The following UPK3A variants were observed in gnomAD, a reference collection of about 807,000 sequenced individuals.
The protein encoded by UPK3A is uroplakin-3a.
Under a neutral mutation model 27.6 loss-of-function variants are expected in UPK3A, and 32 were observed. The ratio of observed to expected loss-of-function variants is 1.16; its 90% CI spans 0.87 to 1.55. The LOEUF (loss-of-function observed/expected upper bound fraction) is 1.55, where lower values mean the gene tolerates loss of function less well. UPK3A is among the 40% of genes most tolerant of loss of function. The pLI, the probability that UPK3A is intolerant of heterozygous loss-of-function variation, is 0.00. For synonymous variants in UPK3A, 171 were observed against 163.9 expected (o/e 1.04, Z -0.33); for missense variants, 370 against 367.9 (o/e 1.01, Z -0.05).
In UPK3A at chr22:45,287,685, ACGGGGTCT is replaced by A. The variant is rs1044328572; in HGVS notation, c.488+236_488+243del. On this transcript the variant is annotated intron_variant, in intron 3 of 5. Transcript: ENST00000216211. ...TTTATTTATTTATTTATTTTTTGAG[ACGGGGTCT>A]CCACCATTTCCCAGGCTGGAGTACA... Among the ~76,000 whole-genome samples, 98 of 152,062 alleles carry A rather than the reference ACGGGGTCT, an allele frequency of 6.4e-4. 2 individuals carry two copies. The highest frequency in any genetic ancestry group is 1.1e-3 in the Non-Finnish European group (74 of 67,984).
chr22:45,289,329 C>G (rs2084142739), intron 4 of UPK3A, among the ~76,000 whole-genome samples, 186 bp downstream of exon 4: 1 of 152,006 alleles, frequency 6.6e-6, no homozygotes, highest in African/African-American at 2.4e-5. Context: ...GTAATCCCAG[C>G]CTTTGGGAGG....
chr22:45,287,660 T>G (rs887452587), intron 3 of UPK3A, among the ~76,000 whole-genome samples: 1 of 152,024 alleles, frequency 6.6e-6, no homozygotes, highest in African/African-American at 2.4e-5. Context: ...AATTCTGTAT[T>G]TTATTTATTT....
chr22:45,289,370 T>G (rs2084143023), intron 4 of UPK3A, among the ~76,000 whole-genome samples: 1 of 151,070 alleles, frequency 6.6e-6, no homozygotes, highest in Admixed American at 6.6e-5. Flanking sequence ...GGTCAGGAGA[T>G]CGAGACCATC....
At position 45,287,380 on chromosome 22, in the gene UPK3A, C is replaced by T. The variant is rs531623690; in HGVS notation, c.417C>T (p.Asn139=). ...LNAYLVRVGA[N]GTCLWDPNFQ... ...CCTACCTGGTCAGGGTGGGTGCCAA[C>T]GGGACCTGCCTGTGGGATCCCAACT... is the stretch of plus-strand genomic sequence containing the variant. Residue 139 remains asparagine (N), a synonymous_variant, in exon 3 of 6, where the codon AAC becomes AAT. Coordinates refer to ENST00000216211, the MANE Select transcript of UPK3A (RefSeq NM_006953.4). The T allele has an allele frequency of 2.6e-4, 416 of 1,612,872 alleles. 6 individuals carry two copies. The South Asian group carries it at 3.6e-3, about 14-fold the overall frequency.
intron 4 of UPK3A, among the ~76,000 whole-genome samples, chr22:45,291,314 G>C (rs1052659066): frequency 6.6e-6 from 1 of 150,902 alleles, no homozygotes; most frequent in African/African-American, 2.4e-5. Flanking sequence ...GTGAATGAGG[G>C]TGTGTGTGGT....
intron 5 of UPK3A, among the ~76,000 whole-genome samples, chr22:45,294,977 T>C (rs994059283): frequency 6.6e-6 from 1 of 151,268 alleles, no homozygotes; most frequent in Admixed American, 6.6e-5. Context: ...GCGATACTCC[T>C]GCCTCAGCCT....
At chr22:45,292,918 A>G (rs2084170955) in intron 4 of UPK3A, among the ~76,000 whole-genome samples, 1 of 150,590 alleles carries the variant, frequency 6.6e-6, no homozygotes, top group African/African-American at 2.5e-5. Context: ...AAAAACAATA[A>G]CGTAAAATAA....
At position 45,290,543 on chromosome 22, in the gene UPK3A, TGTGA is replaced by T. The variant is rs2084153345; in HGVS notation, c.571+1404_571+1407del. 2.6e-5 allele frequency among the ~76,000 whole-genome samples: 4 copies of T among 152,082 alleles called. No individual in the cohort carries two copies. In the South Asian group the frequency reaches 6.2e-4, roughly 24 times the overall value. On this transcript the variant is annotated intron_variant, in intron 4 of 5. Coordinates refer to ENST00000216211, the MANE Select transcript of UPK3A (RefSeq NM_006953.4). ...TGTAGTTTACGGTGTTGCGTATGTG[TGTGA>T]GTGGTGTGTGAGTGTGAGAATGTGT...
At chr22:45,293,094 A>G (rs1326732343) in intron 4 of UPK3A, 87 bp from the exon 5 acceptor site, 37 of 1,582,788 alleles carry the variant, frequency 2.3e-5, no homozygotes, top group Non-Finnish European at 3.0e-5. Flanking sequence ...CCCGGCAGCC[A>G]GGGCGGGGGA....
At position 45,285,906 on chromosome 22, in the gene UPK3A, C is replaced by T. The variant is rs562326679; in HGVS notation, c.53-35C>T. ...GCAGAGTGGGTGTGGACAGTTCTGC[C>T]GGAGGTCAGTTCCCATCCTCACTGC... is the stretch of plus-strand genomic sequence containing the variant. On this transcript the variant is annotated intron_variant, in intron 1 of 5. Transcript: ENST00000216211. 5.0e-5 allele frequency: 81 copies of T among 1,612,864 alleles called. 1 individual carries two copies. In the South Asian group the frequency reaches 7.5e-4, roughly 15 times the overall value.
At position 45,289,329 on chromosome 22, in the gene UPK3A, C is replaced by CA. The variant is rs1402818631; in HGVS notation, c.571+186_571+187insA. 3.5e-4 allele frequency among the ~76,000 whole-genome samples: 53 copies of CA among 152,122 alleles called. 1 individual carries two copies. Among genetic ancestry groups the CA allele is most frequent in the Middle Eastern group, 3.4e-3 (1 of 294 alleles). ...TGGTGGCTCACATCTGTAATCCCAG[C>CA]CTTTGGGAGGCTGAGGCAGGTGGAT... On this transcript the variant is annotated intron_variant, in intron 4 of 5. Transcript: ENST00000216211.
chr22:45,292,901 CTG>C (rs1428704517), intron 4 of UPK3A, among the ~76,000 whole-genome samples: 1 of 148,742 alleles, frequency 6.7e-6, no homozygotes, highest in Non-Finnish European at 1.5e-5. Flanking sequence ...GAGCAAGACT[CTG>C]TCTCAAAAAC....
At position 45,287,304 on chromosome 22, in the gene UPK3A, C is replaced by T. The variant is rs188696049; in HGVS notation, c.341C>T (p.Pro114Leu). 3 of 1,614,220 alleles carry T rather than the reference C, an allele frequency of 1.9e-6. No individual in the cohort carries two copies. The highest frequency in any genetic ancestry group is 3.3e-5 in the Admixed American group (2 of 60,022). ...GACCTGATCCCCTGCAGTGACCTGC[C>T]CAGCCTGGATGCCATTGGGGATGTG... ...AFDLIPCSDLPSLDAIGDVSK... is the reference protein window; with the variant it reads ...AFDLIPCSDLLSLDAIGDVSK... Residue 114 changes from proline (P) to leucine (L), a missense_variant, in exon 3 of 6, where the codon CCC becomes CTC. Transcript: ENST00000216211.
chr22:45,293,477 C>T (rs1170095566), intron 5 of UPK3A, among the ~76,000 whole-genome samples, 164 bp downstream of exon 5: 2 of 152,072 alleles, frequency 1.3e-5, no homozygotes, highest in Non-Finnish European at 2.9e-5. Flanking sequence ...GAGCAGAGTC[C>T]TGGGATTTCA....
At chr22:45,290,606 T>G (rs1478250612) in intron 4 of UPK3A, among the ~76,000 whole-genome samples, 1 of 150,976 alleles carries the variant, frequency 6.6e-6, no homozygotes, top group African/African-American at 2.4e-5. Context: ...ATGTGAGGAG[T>G]GTGGTGTGGA....
In UPK3A at chr22:45,286,055, C is replaced by T. The variant is rs547369352; in HGVS notation, c.167C>T (p.Thr56Ile). The change falls in exon 2 of 6, where the codon ACT becomes ATT. Residue 56 changes from threonine to isoleucine, a missense_variant. Coordinates refer to ENST00000216211, the MANE Select transcript of UPK3A (RefSeq NM_006953.4). ...LCMFDSKEAL[T>I]GTHEVYLYVL... ...ATGTTTGACAGCAAAGAGGCCCTCA[C>T]TGGCACCCACGAGGTCTACCTGTAT... The T allele has an allele frequency of 1.2e-6, 2 of 1,614,096 alleles. No individual in the cohort carries two copies. Among genetic ancestry groups the T allele is most frequent in the Non-Finnish European group, 8.5e-7 (1 of 1,180,044 alleles).
intron 5 of UPK3A, among the ~76,000 whole-genome samples, chr22:45,294,114 A>G (rs2084179954): frequency 6.6e-6 from 1 of 152,074 alleles, no homozygotes; most frequent in African/African-American, 2.4e-5. Context: ...TCCTGGAGGA[A>G]GGGTCAGTGT....
intron 4 of UPK3A, among the ~76,000 whole-genome samples, chr22:45,292,036 C>G (rs2084165518): frequency 6.6e-6 from 1 of 152,162 alleles, no homozygotes; most frequent in Non-Finnish European, 1.5e-5. Flanking sequence ...CCTCCCGTGG[C>G]ATTCCCACGC....
At chr22:45,295,429 T>C in intron 5 of UPK3A, 131 bp from the exon 6 acceptor site, 1 of 1,002,144 alleles carries the variant, frequency 1.0e-6, no homozygotes, top group East Asian at 2.4e-5. Context: ...GAAAGATGGA[T>C]TGATTGAATT....
Sources: gnomAD v4.1 joint callset for allele counts (sites outside exome capture counted in the v4.1 genomes callset) on GRCh38, gnomAD v4.1.1 for gene constraint, MANE v1.5 for transcripts, NCBI Gene and HGNC (gene_info 2026-07-23, HGNC 2026-07-21) for gene names.